The following PRKG1 variants were observed in gnomAD, a reference collection of about 807,000 sequenced individuals.
The protein encoded by PRKG1 is cGMP-dependent protein kinase 1.
In PRKG1, 35 loss-of-function variants were observed where a neutral mutation model predicts 88.1. The ratio of observed to expected loss-of-function variants is 0.40; its 90% CI spans 0.30 to 0.53. The LOEUF is 0.53. Among genes scored for constraint, PRKG1 ranks in the 20% least tolerant of loss-of-function variants. The pLI, the probability that PRKG1 is intolerant of heterozygous loss-of-function variation, is 0.59. For synonymous variants in PRKG1, 303 were observed against 292.5 expected, an observed-to-expected ratio of 1.04 and a Z score of -0.37; for missense variants, 540 against 839.8, an observed-to-expected ratio of 0.64 and a Z score of 4.41.
At chr10:52,085,609 CA>C (rs1180292570) in intron 7 of PRKG1, among the ~76,000 whole-genome samples, 1 of 152,042 alleles carries the variant, frequency 6.6e-6, no homozygotes, top group Non-Finnish European at 1.5e-5. Context: ...TTTTCTGTCT[CA>C]ACTTTGGAGT....
At chr10:51,001,718 G>A (rs1363929250) in intron 1 of PRKG1, among the ~76,000 whole-genome samples, 1 of 152,114 alleles carries the variant, frequency 6.6e-6, no homozygotes, top group Non-Finnish European at 1.5e-5. Context: ...CCTCCTAAAT[G>A]TAGGAAAAAC....
chr10:51,234,424 TACAAATTTTTTTTAGA>T (rs1838928817), intron 2 of PRKG1, among the ~76,000 whole-genome samples: 1 of 152,186 alleles, frequency 6.6e-6, no homozygotes, highest in East Asian at 1.9e-4. Context: ...TCTACCTCCC[TACAAATTTTTTTTAGA>T]ACAAATATTG....
chr10:52,154,825 T>C (rs1209338289), intron 8 of PRKG1, among the ~76,000 whole-genome samples: 1 of 152,112 alleles, frequency 6.6e-6, no homozygotes, highest in Non-Finnish European at 1.5e-5. Flanking sequence ...GTCCCCAAAG[T>C]GCCTTATGTC....
chr10:52,109,595 C>T (rs1364062719), intron 7 of PRKG1, among the ~76,000 whole-genome samples: 2 of 151,984 alleles, frequency 1.3e-5, no homozygotes, highest in Non-Finnish European at 2.9e-5. Flanking sequence ...AGTGACACCC[C>T]ATCCCTACTA....
chr10:51,875,434 G>A (rs1299216677), intron 4 of PRKG1, among the ~76,000 whole-genome samples: 1 of 151,738 alleles, frequency 6.6e-6, no homozygotes, highest in Non-Finnish European at 1.5e-5. Flanking sequence ...TTGATTGATT[G>A]GTTGGTTGGT....
Position 51,349,180 on chromosome 10 carries a change from A to G in PRKG1, c.479-118543A>G, listed in dbSNP as rs141888337. 4.2e-3 allele frequency among the ~76,000 whole-genome samples: 642 copies of G among 152,234 alleles called. 2 individuals are homozygous for G. Among genetic ancestry groups the G allele is most frequent in the African/African-American group, 0.015 (618 of 41,536 alleles). On this transcript the variant is annotated intron_variant, in intron 2 of 17. Coordinates refer to ENST00000373980, the MANE Select transcript of PRKG1 (RefSeq NM_006258.4). Reference sequence around the variant, plus strand: ...GACATAGCACATCTCAAACCTGCTAATATTGGTGTCTCCTGCTGGTGCTGG... The same window carrying G: ...GACATAGCACATCTCAAACCTGCTAGTATTGGTGTCTCCTGCTGGTGCTGG...
At chr10:51,635,144 T>C (rs1198314489) in intron 3 of PRKG1, among the ~76,000 whole-genome samples, 1 of 152,070 alleles carries the variant, frequency 6.6e-6, no homozygotes, top group African/African-American at 2.4e-5. Context: ...CAGAACATAA[T>C]AGCCTGTCCT....
chr10:51,153,861 T>C (rs766125403), intron 2 of PRKG1, among the ~76,000 whole-genome samples: 1 of 152,088 alleles, frequency 6.6e-6, no homozygotes, highest in Non-Finnish European at 1.5e-5. Flanking sequence ...ATACATCCTG[T>C]AAAGACTAAT....
intron 12 of PRKG1, among the ~76,000 whole-genome samples, chr10:52,279,228 A>G (rs1288207782): frequency 2.0e-5 from 3 of 152,192 alleles, no homozygotes; most frequent in Non-Finnish European, 2.9e-5. Context: ...ACTCTGCCAA[A>G]GATATCTCCA....
intron 9 of PRKG1, among the ~76,000 whole-genome samples, chr10:52,196,570 G>T (rs548348417): frequency 8.5e-5 from 13 of 152,166 alleles, no homozygotes; most frequent in Non-Finnish European, 1.8e-4. Flanking sequence ...AACAACGAAA[G>T]ATACTCATTT....
In PRKG1 at chr10:50,991,190, G is replaced by A; in HGVS notation, c.-189G>A. 2 of 764,548 alleles carry A rather than the reference G, an allele frequency of 2.6e-6. No individual in the cohort carries two copies. The highest frequency in any genetic ancestry group is 4.0e-6 in the Non-Finnish European group (2 of 505,068). 47.4% of individuals were successfully genotyped at this position (764,548 alleles called of 1,614,324 possible). A position where few individuals can be genotyped will look rare whatever the true frequency, so the allele number is the denominator to read the frequency against. On this transcript the variant is annotated 5_prime_UTR_variant, in exon 1 of 18. Coordinates refer to the PRKG1 transcript ENST00000401604. The surrounding 1 kb of genome is among the most constrained non-coding windows in gnomAD (Gnocchi z 4.5). ...CCCCTCGGTGCTTTTAGTCCATTCAGCAGAAGCGGATCGAAGCAGGAGGCT... is the reference window on the plus strand; with the variant it reads ...CCCCTCGGTGCTTTTAGTCCATTCAACAGAAGCGGATCGAAGCAGGAGGCT...
At chr10:52,278,851 C>T (rs564696256) in intron 12 of PRKG1, among the ~76,000 whole-genome samples, 36 of 148,302 alleles carry the variant, frequency 2.4e-4, no homozygotes, top group Non-Finnish European at 3.8e-4. Context: ...TGCAGTGAAC[C>T]GAGATTGCAC....
At chr10:52,198,813 A>AGT (rs3031003) in intron 9 of PRKG1, among the ~76,000 whole-genome samples, 98,319 of 148,762 alleles carry the variant, frequency 0.66, 32,455 homozygotes, top group East Asian at 0.75. Context: ...TTGGGGTGTG[A>AGT]GTGTGTGTGT....
At chr10:51,688,032 A>G (rs1348136038) in intron 3 of PRKG1, among the ~76,000 whole-genome samples, 3 of 152,010 alleles carry the variant, frequency 2.0e-5, no homozygotes, top group East Asian at 1.9e-4. Flanking sequence ...CCAATTCTTG[A>G]TTTTCTCTGC....
At chr10:51,259,234 C>T (rs1839641884) in intron 2 of PRKG1, among the ~76,000 whole-genome samples, 1 of 152,100 alleles carries the variant, frequency 6.6e-6, no homozygotes, top group Non-Finnish European at 1.5e-5. Flanking sequence ...CAGTTGTTAC[C>T]TAAAGCTTTC....
At chr10:52,234,675 A>T (rs1445230916) in intron 9 of PRKG1, among the ~76,000 whole-genome samples, 1 of 126,848 alleles carries the variant, frequency 7.9e-6, no homozygotes, top group Non-Finnish European at 1.6e-5. Context: ...TGAAAAGACC[A>T]AATCTACGTC....
At chr10:51,140,266 T>G (rs540498233) in intron 1 of PRKG1, among the ~76,000 whole-genome samples, 3 of 152,234 alleles carry the variant, frequency 2.0e-5, no homozygotes, top group Non-Finnish European at 4.4e-5. Flanking sequence ...ATTTGTTTGT[T>G]TACCTCTGTA....
In PRKG1 at chr10:50,991,232, G is replaced by A; in HGVS notation, c.-147G>A. The A allele has an allele frequency of 8.3e-7, 1 of 1,205,488 alleles. No individual in the cohort carries two copies. Among genetic ancestry groups the A allele is most frequent in the Admixed American group, 3.2e-5 (1 of 31,410 alleles). The allele number at this position is 1,205,488 out of a possible 1,614,324, so 74.7% of individuals were successfully genotyped here. ...CAGGAGGCTCCCCGCGCCGCATTAG[G>A]GGCGCACTCCGCCGCGCTCGAGTAC... On this transcript the variant is annotated 5_prime_UTR_variant, in exon 1 of 18. Transcript: ENST00000401604. This position sits in a 1 kb window ranked among gnomAD's most constrained non-coding sequence, Gnocchi z 4.5.
rs1239799804 is a variant in PRKG1 at position 52,296,574 on chromosome 10, C to T, written c.*2674C>T. 1 of 151,974 alleles carries T rather than the reference C, an allele frequency of 6.6e-6. No homozygotes were observed. The highest frequency in any genetic ancestry group is 2.4e-5 in the African/African-American group (1 of 41,398). The allele number at this position is 151,974 out of a possible 1,614,324, so 9.4% of individuals were successfully genotyped here. Reference sequence around the variant, plus strand: ...TTTATTTCTGAATTTTTCACAACCCCTCTATTTTCTTACATTAAAGAACAT... The same window carrying T: ...TTTATTTCTGAATTTTTCACAACCCTTCTATTTTCTTACATTAAAGAACAT... On this transcript the variant is annotated 3_prime_UTR_variant, in exon 18 of 18. Coordinates refer to ENST00000373980, the MANE Select transcript of PRKG1 (RefSeq NM_006258.4).
Sources: gnomAD v4.1 joint callset for allele counts (sites outside exome capture counted in the v4.1 genomes callset) on GRCh38, gnomAD v4.1.1 for gene constraint, Gnocchi (gnomAD v3.1) non-coding constraint, MANE v1.5 for transcripts, NCBI Gene and HGNC (gene_info 2026-07-23, HGNC 2026-07-21) for gene names.